Variants in SNX29 observed in about 807,000 individuals in gnomAD.
SNX29 encodes the protein sorting nexin 29.
A neutral mutation model predicts 102.1 loss-of-function variants in SNX29; 78 were observed. The ratio of observed to expected loss-of-function variants is 0.76; its 90% CI spans 0.64 to 0.92. SNX29 has a LOEUF of 0.92. Among genes scored for constraint, SNX29 ranks in the 40% least tolerant of loss-of-function variants. The pLI is 0.00. For synonymous variants in SNX29, 580 were observed against 414.5 expected (o/e 1.40, Z -4.85); for missense variants, 1,280 against 1,061.7 (o/e 1.21, Z -2.86).
At chr16:12,217,479 C>A (rs770185300) in intron 14 of SNX29, among the ~76,000 whole-genome samples, 2 of 152,160 alleles carry the variant, frequency 1.3e-5, no homozygotes, top group East Asian at 3.9e-4. Context: ...TTGAAACCTA[C>A]AGGTGGTAGT....
chr16:12,143,521 C>G (rs886838684), intron 13 of SNX29, among the ~76,000 whole-genome samples: 3 of 152,146 alleles, frequency 2.0e-5, no homozygotes, highest in Non-Finnish European at 4.4e-5. Flanking sequence ...GATGTGGGAT[C>G]TGAGATGGCC....
intron 18 of SNX29, among the ~76,000 whole-genome samples, chr16:12,419,630 T>C (rs1334400764): frequency 2.6e-5 from 4 of 151,310 alleles, no homozygotes; most frequent in African/African-American, 4.9e-5. Flanking sequence ...CAGGCTGTGG[T>C]GGCAGGGGTG....
chr16:12,205,093 T>G (rs2077012161), intron 14 of SNX29, among the ~76,000 whole-genome samples: 1 of 152,216 alleles, frequency 6.6e-6, no homozygotes, highest in African/African-American at 2.4e-5. Flanking sequence ...GAAGGCTGAT[T>G]CAGTGAAGAT....
chr16:12,215,547 C>T (rs926955279), intron 14 of SNX29, among the ~76,000 whole-genome samples: 1 of 152,134 alleles, frequency 6.6e-6, no homozygotes, highest in Non-Finnish European at 1.5e-5. Context: ...GCACAGGAAC[C>T]TGGGCTCCAG....
At chr16:12,445,435 C>A (rs1255395855) in intron 18 of SNX29, among the ~76,000 whole-genome samples, 2 of 152,192 alleles carry the variant, frequency 1.3e-5, no homozygotes, top group African/African-American at 4.8e-5. Context: ...GTGTGCATCT[C>A]CCCAGGAGGC....
intron 14 of SNX29, among the ~76,000 whole-genome samples, chr16:12,267,822 A>G (rs969381346): frequency 3.9e-5 from 6 of 152,126 alleles, no homozygotes; most frequent in South Asian, 2.1e-4. Flanking sequence ...AAAAACGTCC[A>G]ATCATCGCAC....
At chr16:12,375,045 T>G (rs966322585) in intron 16 of SNX29, 1 of 152,060 alleles carries the variant, frequency 6.6e-6, no homozygotes, top group Non-Finnish European at 1.5e-5. Context: ...AGTGAGACCC[T>G]GTCTTAAAAA....
At chr16:12,461,843 C>A (rs1160928879) in intron 18 of SNX29, among the ~76,000 whole-genome samples, 3 of 148,614 alleles carry the variant, frequency 2.0e-5, no homozygotes, top group South Asian at 2.2e-4. Flanking sequence ...GTAATCCCAG[C>A]TACTGTGGAG....
intron 14 of SNX29, among the ~76,000 whole-genome samples, chr16:12,217,319 C>T (rs1179413229): frequency 6.6e-6 from 1 of 152,196 alleles, no homozygotes; most frequent in Non-Finnish European, 1.5e-5. Context: ...CATGCCCAGC[C>T]CCCAACACCT....
intron 13 of SNX29, among the ~76,000 whole-genome samples, chr16:12,133,249 T>C (rs1014908657): frequency 1.3e-5 from 2 of 151,364 alleles, no homozygotes; most frequent in African/African-American, 4.9e-5. Context: ...GATGAATTAC[T>C]TAACTTCTCT....
intron 14 of SNX29, among the ~76,000 whole-genome samples, chr16:12,234,357 G>A (rs2077860999): frequency 6.6e-6 from 1 of 152,106 alleles, no homozygotes; most frequent in Admixed American, 6.5e-5. Context: ...GCCATTTGTA[G>A]ATCTTCAAAG....
chr16:12,144,488 C>A (rs1053796599), intron 13 of SNX29, among the ~76,000 whole-genome samples: 1 of 152,184 alleles, frequency 6.6e-6, no homozygotes, highest in Non-Finnish European at 1.5e-5. Flanking sequence ...CTCCACCCCC[C>A]ATGGAGGGGA....
chr16:12,237,199 A>G (rs112017980), intron 14 of SNX29, among the ~76,000 whole-genome samples: 6,412 of 151,656 alleles, frequency 0.042, 484 homozygotes, highest in African/African-American at 0.15. Flanking sequence ...TCCACCCCCG[A>G]CTCCTCACCC....
intron 20 of SNX29, among the ~76,000 whole-genome samples, chr16:12,554,032 C>A (rs901418739): frequency 6.6e-6 from 1 of 152,158 alleles, no homozygotes; most frequent in African/African-American, 2.4e-5. Flanking sequence ...AACCATGTTG[C>A]CCAGGCTGGT....
Position 12,570,352 on chromosome 16 carries a change from A to T in SNX29, c.*1723A>T. ...TGGTCTCCCTCCCACTCACCTGCCAACATTGCTGCAATACACATGGTTTAT... is the reference window on the plus strand; with the variant it reads ...TGGTCTCCCTCCCACTCACCTGCCATCATTGCTGCAATACACATGGTTTAT... On this transcript the variant is annotated 3_prime_UTR_variant, in exon 21 of 21. Coordinates refer to ENST00000566228, the MANE Select transcript of SNX29 (RefSeq NM_032167.5). 2 of 568,462 alleles carry T rather than the reference A, an allele frequency of 3.5e-6. No homozygotes were observed. Among genetic ancestry groups the T allele is most frequent in the African/African-American group, 1.9e-5 (1 of 51,680 alleles). 35.2% of individuals were successfully genotyped at this position (568,462 alleles called of 1,614,324 possible).
chr16:12,155,513 G>A (rs1259141142), intron 13 of SNX29, among the ~76,000 whole-genome samples: 1 of 152,116 alleles, frequency 6.6e-6, no homozygotes, highest in African/African-American at 2.4e-5. Context: ...TCAGTTACAG[G>A]CCGTTTTCTC....
chr16:12,482,142 C>T (rs775847669), intron 19 of SNX29, among the ~76,000 whole-genome samples: 2 of 152,170 alleles, frequency 1.3e-5, no homozygotes, highest in African/African-American at 4.8e-5. Context: ...CAGAAAAATC[C>T]GCCACGTCAG....
intron 20 of SNX29, among the ~76,000 whole-genome samples, chr16:12,567,414 A>G (rs1027856640): frequency 6.6e-6 from 1 of 152,228 alleles, no homozygotes; most frequent in African/African-American, 2.4e-5. Context: ...CAAATAGCGT[A>G]TAGTAGGCAG....
intron 14 of SNX29, among the ~76,000 whole-genome samples, chr16:12,275,447 T>G (rs1216825733): frequency 6.6e-6 from 1 of 152,262 alleles, no homozygotes; most frequent in East Asian, 1.9e-4. Context: ...GCTAATCGCT[T>G]CTTAAACAGA....
Sources: allele counts gnomAD v4.1 joint callset (sites outside exome capture counted in the v4.1 genomes callset), GRCh38; gene constraint gnomAD v4.1.1; transcripts MANE v1.5; gene names NCBI Gene and HGNC (gene_info 2026-07-23, HGNC 2026-07-21).